Variants in MPP7 observed in about 807,000 individuals in gnomAD.
MPP7 encodes the protein MAGUK p55 scaffold protein 7, also known as MAGUK p55 subfamily member 7.
In MPP7, 60 loss-of-function variants were observed where a neutral mutation model predicts 76.5. That is an observed-to-expected ratio of 0.78 (90% CI 0.64 to 0.97). The LOEUF is 0.97. Among genes scored for constraint, MPP7 ranks in the 50% least tolerant of loss-of-function variants. MPP7 has a pLI of 0.00. For missense variants in MPP7, 641 were observed against 694.0 expected, an observed-to-expected ratio of 0.92 and a Z score of 0.86; for synonymous variants, 237 against 244.5, an observed-to-expected ratio of 0.97 and a Z score of 0.29.
At chr10:28,294,324 AG>A (rs1426515361) in intron 1 of MPP7, among the ~76,000 whole-genome samples, 1 of 152,236 alleles carries the variant, frequency 6.6e-6, no homozygotes, top group Non-Finnish European at 1.5e-5. Context: ...ACTGCGTTCA[AG>A]GTCATCAAAT....
At chr10:28,194,424 T>C (rs949282965) in intron 3 of MPP7, among the ~76,000 whole-genome samples, 2 of 152,158 alleles carry the variant, frequency 1.3e-5, no homozygotes, top group African/African-American at 4.8e-5. Context: ...CACACAAATG[T>C]TTATAGAAAG....
At chr10:28,223,133 C>CA (rs766215567) in intron 2 of MPP7, among the ~76,000 whole-genome samples, 141 of 126,978 alleles carry the variant, frequency 1.1e-3, no homozygotes, top group African/African-American at 2.6e-3. Context: ...GCCTCTGTCT[C>CA]AAAAAAAAAA....
chr10:28,145,741 T>A (rs573065162), intron 5 of MPP7, among the ~76,000 whole-genome samples: 2 of 152,306 alleles, frequency 1.3e-5, no homozygotes, highest in Non-Finnish European at 2.9e-5. Context: ...ACGTCTTTCA[T>A]GCTAACTTTA....
chr10:28,313,351 C>A (rs1240494620), intron 2 of MPP7, among the ~76,000 whole-genome samples: 1 of 152,004 alleles, frequency 6.6e-6, no homozygotes, highest in Non-Finnish European at 1.5e-5. Flanking sequence ...ACAAATAATA[C>A]AAAAATTAGC....
chr10:28,233,619 G>A (rs766652142), intron 2 of MPP7, among the ~76,000 whole-genome samples: 3 of 151,698 alleles, frequency 2.0e-5, no homozygotes, highest in Non-Finnish European at 4.4e-5. Flanking sequence ...TCAGGAGGCT[G>A]AGGCAGTAGA....
chr10:28,153,091 T>C (rs1835935824), intron 3 of MPP7, among the ~76,000 whole-genome samples: 1 of 151,898 alleles, frequency 6.6e-6, no homozygotes, highest in Non-Finnish European at 1.5e-5. Flanking sequence ...TCATCTCTAC[T>C]AAAAATATGA....
intron 1 of MPP7, among the ~76,000 whole-genome samples, chr10:28,285,335 G>A (rs762253803): frequency 4.6e-5 from 7 of 152,122 alleles, no homozygotes; most frequent in African/African-American, 7.2e-5. Context: ...CAGGCAACAC[G>A]CCACCACACC....
chr10:28,066,211 C>A (rs1359084037), intron 13 of MPP7, among the ~76,000 whole-genome samples: 1 of 152,072 alleles, frequency 6.6e-6, no homozygotes, highest in East Asian at 1.9e-4. Context: ...TACAATCAAT[C>A]AATCAATAAG....
intron 1 of MPP7, among the ~76,000 whole-genome samples, chr10:28,250,935 T>C (rs938791626): frequency 2.0e-5 from 3 of 152,252 alleles, no homozygotes; most frequent in African/African-American, 7.2e-5. Flanking sequence ...AACCTGCATA[T>C]GACTATTCAG....
intron 3 of MPP7, among the ~76,000 whole-genome samples, chr10:28,193,613 C>T (rs1287923753): frequency 6.6e-6 from 1 of 152,040 alleles, no homozygotes; most frequent in Non-Finnish European, 1.5e-5. Context: ...TTGTGAGAGA[C>T]ACCACTAAGA....
At chr10:28,229,145 T>A (rs1838794880) in intron 2 of MPP7, among the ~76,000 whole-genome samples, 2 of 152,214 alleles carry the variant, frequency 1.3e-5, no homozygotes, top group Non-Finnish European at 2.9e-5. Flanking sequence ...AAATGAATTC[T>A]GGATAAGGCA....
At chr10:28,290,286 C>T (rs1284069750) in intron 1 of MPP7, among the ~76,000 whole-genome samples, 5 of 131,858 alleles carry the variant, frequency 3.8e-5, no homozygotes, top group Admixed American at 1.5e-4. Context: ...TTTTACTTTC[C>T]TTTTTTTTTT....
At chr10:28,171,171 T>C (rs529771501) in intron 3 of MPP7, among the ~76,000 whole-genome samples, 2 of 152,308 alleles carry the variant, frequency 1.3e-5, no homozygotes, top group African/African-American at 4.8e-5. Context: ...CTTCAGTCCA[T>C]ATCTTCTTAA....
chr10:28,097,622 T>G (rs1853628940), intron 11 of MPP7, among the ~76,000 whole-genome samples: 1 of 152,100 alleles, frequency 6.6e-6, no homozygotes, highest in Admixed American at 6.6e-5. Context: ...AAAAAATGAA[T>G]TTAGTTCATT....
chr10:28,160,078 T>C (rs777030947), intron 3 of MPP7, among the ~76,000 whole-genome samples: 1 of 150,238 alleles, frequency 6.7e-6, no homozygotes, highest in Non-Finnish European at 1.5e-5. Context: ...CAGTTTGTTG[T>C]TGGTTTTTTA....
chr10:28,321,048 C>A (rs574823416), intron 2 of MPP7, among the ~76,000 whole-genome samples: 3 of 152,258 alleles, frequency 2.0e-5, no homozygotes, highest in African/African-American at 7.2e-5. Context: ...GGGAGATAGG[C>A]AGTTCCTCAC....
intron 12 of MPP7, among the ~76,000 whole-genome samples, chr10:28,087,519 C>T (rs569958075): frequency 1.3e-5 from 2 of 152,188 alleles, no homozygotes; most frequent in East Asian, 3.9e-4. Context: ...CCTCAGCTTC[C>T]CAAGAAGCTG....
chr10:28,077,787 G>A (rs965104140), intron 12 of MPP7, among the ~76,000 whole-genome samples: 7 of 152,190 alleles, frequency 4.6e-5, no homozygotes, highest in African/African-American at 1.7e-4. Flanking sequence ...GTTTTCAGCT[G>A]AGCTTGCTAA....
intron 13 of MPP7, among the ~76,000 whole-genome samples, chr10:28,060,817 A>C (rs991790082): frequency 3.3e-5 from 5 of 152,250 alleles, no homozygotes; most frequent in Admixed American, 1.3e-4. Context: ...CATGTAGTTC[A>C]AACTCAAACC....
Sources: allele counts gnomAD v4.1 joint callset (sites outside exome capture counted in the v4.1 genomes callset), GRCh38; gene constraint gnomAD v4.1.1; transcripts MANE v1.5; gene names NCBI Gene and HGNC (gene_info 2026-07-23, HGNC 2026-07-21).